The following ZSWIM4 variants were observed in gnomAD, a reference collection of about 807,000 sequenced individuals.
ZSWIM4 encodes the protein zinc finger SWIM-type containing 4.
Under a neutral mutation model 102.5 loss-of-function variants are expected in ZSWIM4, and 62 were observed. The ratio of observed to expected loss-of-function variants is 0.60; its 90% CI spans 0.49 to 0.75. The LOEUF is 0.75. ZSWIM4 is among the 30% of genes least tolerant of loss of function. The pLI, the probability that ZSWIM4 is intolerant of heterozygous loss-of-function variation, is 0.00. For missense variants in ZSWIM4, 1,280 were observed against 1,529.6 expected, an observed-to-expected ratio of 0.84 and a Z score of 2.72; for synonymous variants, 652 against 674.5, an observed-to-expected ratio of 0.97 and a Z score of 0.52.
chr19:13,797,363 G>A (rs1308018791), intron 1 of ZSWIM4, among the ~76,000 whole-genome samples: 1 of 152,176 alleles, frequency 6.6e-6, no homozygotes, highest in Non-Finnish European at 1.5e-5. Context: ...CCCTTCCCAG[G>A]GATGGGGCAT....
chr19:13,823,521 G>A (rs755006657), intron 11 of ZSWIM4, 21 bp downstream of exon 11: 10 of 1,553,378 alleles, frequency 6.4e-6, no homozygotes, highest in African/African-American at 1.4e-5. Context: ...CAGCTGTCCC[G>A]ATTCCTTTGT....
At chr19:13,799,186 CCCT>C (rs1343178568) in intron 1 of ZSWIM4, among the ~76,000 whole-genome samples, 3 of 151,492 alleles carry the variant, frequency 2.0e-5, no homozygotes, top group African/African-American at 7.3e-5. Context: ...CCTCAAGTGA[CCCT>C]CCTGCCCCAC....
rs553867203 is a variant in ZSWIM4, at chr19:13,831,002, C to T, written c.3273C>T (p.Tyr1091=). The T allele has an allele frequency of 1.9e-6, 3 of 1,610,404 alleles. No individual in the cohort carries two copies. In the East Asian group the frequency reaches 6.7e-5, roughly 36 times the overall value. ...TCTTGGAGAACCTCAAACAGACCTA[C>T]AAGGGCAAGAAGAAACTCATGCTTT... ...SQFLENLKQT[Y]KGKKKLMLLV... The change falls in exon 14 of 14, where the codon TAC becomes TAT. Residue 1091 remains tyrosine, a synonymous_variant. Coordinates refer to ENST00000590508, the MANE Select transcript of ZSWIM4 (RefSeq NM_001367834.3).
At chr19:13,813,500 G>T (rs990070334) in intron 6 of ZSWIM4, among the ~76,000 whole-genome samples, 4 of 151,978 alleles carry the variant, frequency 2.6e-5, no homozygotes, top group Non-Finnish European at 4.4e-5. Context: ...GAAGGGGAAA[G>T]TGAGATATTG....
rs886071592 is a variant in ZSWIM4, at chr19:13,809,492, CTT to C, written c.1012+274_1012+275del. Among the ~76,000 whole-genome samples, 13 of 152,188 alleles carry C rather than the reference CTT, an allele frequency of 8.5e-5. No individual in the cohort carries two copies. The highest frequency in any genetic ancestry group is 3.1e-4 in the African/African-American group (13 of 41,460). On this transcript the variant is annotated intron_variant, in intron 5 of 13. Coordinates refer to ENST00000590508, the MANE Select transcript of ZSWIM4 (RefSeq NM_001367834.3). The surrounding 1 kb of genome is among the most constrained non-coding windows in gnomAD (Gnocchi z 4.2). Reference sequence around the variant, plus strand: ...GTTGATACACACGTACACACGTTTTCTTTGTTTTGAGACAGGGTATCACTCTG... The same window carrying C: ...GTTGATACACACGTACACACGTTTTCTGTTTTGAGACAGGGTATCACTCTG...
chr19:13,799,274 CTTT>C (rs33931479), intron 1 of ZSWIM4, among the ~76,000 whole-genome samples: 15 of 117,718 alleles, frequency 1.3e-4, no homozygotes, highest in African/African-American at 2.6e-4. Flanking sequence ...ATTTTTTTAT[CTTT>C]TTTTTTTTTT....
rs1975580223 is a variant in ZSWIM4, at chr19:13,825,488, G to A, written c.2216-62G>A. On this transcript the variant is annotated intron_variant, in intron 11 of 13. Coordinates refer to ENST00000590508, the MANE Select transcript of ZSWIM4 (RefSeq NM_001367834.3). This position sits in a 1 kb window ranked among gnomAD's most constrained non-coding sequence, Gnocchi z 4.6. ...AAGGATCTGTGTGAACAGGTCGGGT[G>A]GTGGTCAGAGGCTGGTGCTGAGGTG... 1 of 1,572,122 alleles carries A rather than the reference G, an allele frequency of 6.4e-7. No homozygotes were observed.
intron 3 of ZSWIM4, 74 bp downstream of exon 3, chr19:13,805,222 T>C: frequency 7.6e-7 from 1 of 1,321,854 alleles, no homozygotes; most frequent in Non-Finnish European, 1.1e-6. Context: ...GTGTGCCCAG[T>C]GCTGGTCACT....
chr19:13,802,617 T>G (rs890091498), intron 2 of ZSWIM4, among the ~76,000 whole-genome samples: 1 of 151,940 alleles, frequency 6.6e-6, no homozygotes, highest in Non-Finnish European at 1.5e-5. Flanking sequence ...CTCACTCTGT[T>G]GCCCAGGCTG....
At chr19:13,821,829 C>T (rs144976762) in intron 10 of ZSWIM4, among the ~76,000 whole-genome samples, 1,549 of 152,152 alleles carry the variant, frequency 0.01, 21 homozygotes, top group African/African-American at 0.036. Flanking sequence ...CCAAACCTCC[C>T]GGGTTCAAGT....
In ZSWIM4 at chr19:13,831,082, C is replaced by T; in HGVS notation, c.*32C>T. The T allele has an allele frequency of 1.3e-6, 2 of 1,527,344 alleles. No individual in the cohort carries two copies. The highest frequency in any genetic ancestry group is 1.7e-6 in the Non-Finnish European group (2 of 1,143,328). 94.6% of individuals were successfully genotyped at this position (1,527,344 alleles called of 1,614,324 possible). On this transcript the variant is annotated 3_prime_UTR_variant, in exon 14 of 14. Transcript: ENST00000590508. ...GTGGGGTGCGTGGGAGTGGGGATCC[C>T]CCTCGCCCCTGCGTCCCCCACCCTT...
chr19:13,804,785 A>T lies in ZSWIM4; in HGVS notation c.356-7A>T, dbSNP rs1469277208. On this transcript the variant is annotated splice_polypyrimidine_tract_variant and splice_region_variant and intron_variant, in intron 2 of 13. Transcript: ENST00000590508. ...ACACGGATGCGACAGTTTGGCTTTGATCCTAGGATTCCACCTGAGCGGAAA... is the reference window on the plus strand; with the variant it reads ...ACACGGATGCGACAGTTTGGCTTTGTTCCTAGGATTCCACCTGAGCGGAAA... 3.2e-6 allele frequency: 5 copies of T among 1,567,066 alleles called. No individual in the cohort carries two copies. The highest frequency in any genetic ancestry group is 4.3e-6 in the Non-Finnish European group (5 of 1,154,302).
Position 13,814,676 on chromosome 19 carries a change from A to T in ZSWIM4, c.1342A>T (p.Lys448Ter). The change falls in exon 7 of 14, where the codon AAA (lysine) becomes TAA (stop). Residue 448 changes from lysine to a stop codon, truncating the protein, a stop_gained. Transcript: ENST00000590508. LOFTEE classifies it high-confidence loss of function. ...PSLTGSVGGDKPTFDPQGRPL... is the reference protein window; with the variant it reads ...PSLTGSVGGD ...CCTCACAGGCAGCGTGGGTGGGGAC[A>T]AACCGACTTTCGACCCCCAGGGCCG... The T allele has an allele frequency of 7.8e-7, 1 of 1,282,428 alleles. No individual in the cohort carries two copies. Among genetic ancestry groups the T allele is most frequent in the Non-Finnish European group, 1.0e-6 (1 of 984,020 alleles). 79.4% of individuals were successfully genotyped at this position (1,282,428 alleles called of 1,614,324 possible).
chr19:13,828,621 C>T, intron 12 of ZSWIM4, 24 bp from the exon 13 acceptor site: 1 of 1,613,426 alleles, frequency 6.2e-7, no homozygotes, highest in Non-Finnish European at 8.5e-7. Flanking sequence ...GGCTAACCCC[C>T]TTCTCCCCAC....
chr19:13,806,084 C>G (rs1414547322), intron 3 of ZSWIM4, among the ~76,000 whole-genome samples: 2 of 151,060 alleles, frequency 1.3e-5, no homozygotes, highest in Non-Finnish European at 3.0e-5. Context: ...CCTCTGTCAC[C>G]CAAGCTGGAG....
chr19:13,815,747 G>C (rs1280693581), intron 7 of ZSWIM4, among the ~76,000 whole-genome samples: 4 of 151,700 alleles, frequency 2.6e-5, no homozygotes, highest in Non-Finnish European at 5.9e-5. Flanking sequence ...TGGGATTACA[G>C]GTGTAAGCCA....
Position 13,799,909 on chromosome 19 carries a change from G to A in ZSWIM4, c.343G>A (p.Val115Met), listed in dbSNP as rs1337576082. The change falls in exon 2 of 14, where the codon GTG becomes ATG. Residue 115 changes from valine (V) to methionine (M), a missense_variant. Val to Met is a conservative substitution (Grantham distance 21). Transcript: ENST00000590508. Reference protein sequence around the residue: ...HLLQSGAVDRVLQVGFHLSGN... With the variant: ...HLLQSGAVDRMLQVGFHLSGN... Reference sequence around the variant, plus strand: ...GCTCCAGAGCGGGGCCGTGGACCGCGTGTTGCAAGTGGGTGAGTCTTTGTC... The same window carrying A: ...GCTCCAGAGCGGGGCCGTGGACCGCATGTTGCAAGTGGGTGAGTCTTTGTC... 1.9e-6 allele frequency: 3 copies of A among 1,610,624 alleles called. No individual in the cohort carries two copies. The highest frequency in any genetic ancestry group is 1.1e-5 in the South Asian group (1 of 91,036).
intron 13 of ZSWIM4, among the ~76,000 whole-genome samples, 192 bp from the exon 14 acceptor site, chr19:13,829,999 T>C (rs894794747): frequency 2.0e-5 from 3 of 152,012 alleles, no homozygotes; most frequent in Non-Finnish European, 2.9e-5. Flanking sequence ...AGAAAGAGGC[T>C]CCAAAGCTTA....
intron 8 of ZSWIM4, 33 bp downstream of exon 8, chr19:13,817,386 G>A (rs1327191878): frequency 6.3e-7 from 1 of 1,597,172 alleles, no homozygotes; most frequent in Non-Finnish European, 8.6e-7. Context: ...GAGGAGGTGG[G>A]ACAACCCCGC....
Sources: allele counts gnomAD v4.1 joint callset (sites outside exome capture counted in the v4.1 genomes callset), GRCh38; gene constraint gnomAD v4.1.1; non-coding constraint Gnocchi (gnomAD v3.1); transcripts MANE v1.5; gene names NCBI Gene and HGNC (gene_info 2026-07-23, HGNC 2026-07-21).